The following CBX7 variants were observed in gnomAD, a reference collection of about 807,000 sequenced individuals.
The protein encoded by CBX7 is chromobox 7, also known as chromobox protein homolog 7.
A neutral mutation model predicts 31.4 loss-of-function variants in CBX7; 14 were observed. That is an observed-to-expected ratio of 0.45 (90% CI 0.29 to 0.70). The LOEUF is 0.70. Among genes scored for constraint, CBX7 ranks in the 30% least tolerant of loss-of-function variants. The pLI is 0.11. For missense variants in CBX7, 269 were observed against 351.9 expected (o/e 0.76, Z 1.89); for synonymous variants, 159 against 152.6 (o/e 1.04, Z -0.31).
At position 39,152,538 on chromosome 22, in the gene CBX7, GT is replaced by G. The variant is rs1399968438; in HGVS notation, c.-95del. The G allele has an allele frequency of 2.0e-6, 1 of 492,830 alleles. No individual in the cohort carries two copies. The highest frequency in any genetic ancestry group is 2.6e-6 in the Non-Finnish European group (1 of 380,900). The allele number at this position is 492,830 out of a possible 1,614,324, so 30.5% of individuals were successfully genotyped here. A position where few individuals can be genotyped will look rare whatever the true frequency, so the allele number is the denominator to read the frequency against. On this transcript the variant is annotated 5_prime_UTR_variant, in exon 1 of 6. Transcript: ENST00000216133. This position sits in a 1 kb window ranked among gnomAD's most constrained non-coding sequence, Gnocchi z 4.9. The stretch of plus-strand genomic sequence containing the variant: ...GGCGCGCGATGCTGGGGCTGGCGGG[GT>G]CCCCGTCACCCTCGTCCGGGCGCGC...
At chr22:39,134,887 C>G (rs13053361) in intron 4 of CBX7, 135 bp from the exon 5 acceptor site, 1 of 647,390 alleles carries the variant, frequency 1.5e-6, no homozygotes, top group Non-Finnish European at 2.6e-6. Flanking sequence ...CATGCCACGG[C>G]TGGCCATCAC....
At chr22:39,137,460 T>C (rs1024122370) in intron 4 of CBX7, among the ~76,000 whole-genome samples, 1 of 152,110 alleles carries the variant, frequency 6.6e-6, no homozygotes, top group African/African-American at 2.4e-5. Flanking sequence ...GTGACTGTCC[T>C]GTCTCAGCCC....
Position 39,152,519 on chromosome 22 carries a change from C to T in CBX7, c.-75G>A, listed in dbSNP as rs561943857. 2.6e-4 allele frequency: 167 copies of T among 653,404 alleles called. No homozygotes were observed. The highest frequency in any genetic ancestry group is 2.3e-3 in the Middle Eastern group (3 of 1,290). 40.5% of individuals were successfully genotyped at this position (653,404 alleles called of 1,614,324 possible). A position where few individuals can be genotyped will look rare whatever the true frequency, so the allele number is the denominator to read the frequency against. ...GCTGCGGGGCCGCGGCTGCGGCGCG[C>T]GATGCTGGGGCTGGCGGGGTCCCCG... On this transcript the variant is annotated 5_prime_UTR_variant, in exon 1 of 6. Coordinates refer to ENST00000216133, the MANE Select transcript of CBX7 (RefSeq NM_175709.5). The surrounding 1 kb of genome is among the most constrained non-coding windows in gnomAD (Gnocchi z 4.9).
chr22:39,152,610 G>C lies in CBX7; in HGVS notation c.-166C>G, dbSNP rs1229621742. 1.3e-5 allele frequency: 2 copies of C among 152,654 alleles called. No individual in the cohort carries two copies. The highest frequency in any genetic ancestry group is 4.9e-5 in the African/African-American group (2 of 41,086). The allele number at this position is 152,654 out of a possible 1,614,324, so 9.5% of individuals were successfully genotyped here. On this transcript the variant is annotated 5_prime_UTR_variant, in exon 1 of 6. Coordinates refer to ENST00000216133, the MANE Select transcript of CBX7 (RefSeq NM_175709.5). The surrounding 1 kb of genome is among the most constrained non-coding windows in gnomAD (Gnocchi z 4.9). The stretch of plus-strand genomic sequence containing the variant: ...ACACCCCCTCGCGCTCCCTCACGCC[G>C]CCGACGTTCCATTTTTGAACCTGCG...
chr22:39,145,900 G>A (rs1270448408), intron 2 of CBX7, among the ~76,000 whole-genome samples: 2 of 151,926 alleles, frequency 1.3e-5, no homozygotes, highest in Non-Finnish European at 2.9e-5. Context: ...GGGCGCAGCG[G>A]GTGCAGGACC....
At chr22:39,151,100 T>A (rs1213700800) in intron 1 of CBX7, among the ~76,000 whole-genome samples, 1 of 152,174 alleles carries the variant, frequency 6.6e-6, no homozygotes, top group Non-Finnish European at 1.5e-5. Flanking sequence ...GGAATGATGA[T>A]CTCGCCCTCT....
intron 2 of CBX7, among the ~76,000 whole-genome samples, chr22:39,143,476 G>A (rs1930532328): frequency 6.6e-6 from 1 of 152,094 alleles, no homozygotes; most frequent in African/African-American, 2.4e-5. Context: ...TATAAGCTCA[G>A]GTTAATTTAT....
chr22:39,138,775 C>T (rs555315977), intron 3 of CBX7, 73 bp from the exon 4 acceptor site: 12 of 1,373,452 alleles, frequency 8.7e-6, no homozygotes, highest in East Asian at 2.3e-5. Flanking sequence ...GCATCCGCTT[C>T]GCCCGCCCTC....
At chr22:39,148,041 G>A (rs981120982) in intron 2 of CBX7, 55 of 152,284 alleles carry the variant, frequency 3.6e-4, no homozygotes, top group African/African-American at 1.3e-3. Context: ...TCGAAGATGA[G>A]GAAGCAGAGA....
intron 4 of CBX7, among the ~76,000 whole-genome samples, chr22:39,137,173 C>T (rs542549319): frequency 2.6e-5 from 4 of 152,130 alleles, no homozygotes; most frequent in African/African-American, 4.8e-5. Context: ...GTGTTTCAGA[C>T]TTCGAATTTT....
rs2146360318 is a variant in CBX7 at position 39,141,200 on chromosome 22, G to A, written c.179+171C>T. 1.9e-5 allele frequency: 11 copies of A among 564,446 alleles called. No homozygotes were observed. The South Asian group carries it at 2.0e-4, about 10-fold the overall frequency. 35.0% of individuals were successfully genotyped at this position (564,446 alleles called of 1,614,324 possible). A position where few individuals can be genotyped will look rare whatever the true frequency, so the allele number is the denominator to read the frequency against. The stretch of plus-strand genomic sequence containing the variant: ...ACAGGAAAGGGCCCCAGGGTCCTCA[G>A]CTGCCCTGGGACTCAGTGCCCACCA... On this transcript the variant is annotated intron_variant, in intron 3 of 5. Transcript: ENST00000216133.
chr22:39,137,095 G>T (rs1160236546), intron 4 of CBX7, among the ~76,000 whole-genome samples: 1 of 152,092 alleles, frequency 6.6e-6, no homozygotes, highest in Non-Finnish European at 1.5e-5. Context: ...CCATTTTACA[G>T]GTGAAGAGGC....
intron 3 of CBX7, among the ~76,000 whole-genome samples, chr22:39,139,050 TA>T (rs751191576): frequency 1.3e-5 from 2 of 152,004 alleles, no homozygotes; most frequent in Non-Finnish European, 2.9e-5. Flanking sequence ...TTTTTCCTCC[TA>T]GGGGAGTGAT....
intron 4 of CBX7, chr22:39,135,132 A>C: frequency 1.1e-5 from 2 of 188,378 alleles, no homozygotes; most frequent in Non-Finnish European, 1.1e-5. Flanking sequence ...AGCACCTCCA[A>C]AACTGACACT....
rs944965833 is a variant in CBX7 at position 39,152,538 on chromosome 22, G to T, written c.-94C>A. The T allele has an allele frequency of 2.0e-6, 1 of 492,938 alleles. No homozygotes were observed. 30.5% of individuals were successfully genotyped at this position (492,938 alleles called of 1,614,324 possible). A position where few individuals can be genotyped will look rare whatever the true frequency, so the allele number is the denominator to read the frequency against. ...GGCGCGCGATGCTGGGGCTGGCGGGGTCCCCGTCACCCTCGTCCGGGCGCG... is the reference window on the plus strand; with the variant it reads ...GGCGCGCGATGCTGGGGCTGGCGGGTTCCCCGTCACCCTCGTCCGGGCGCG... On this transcript the variant is annotated 5_prime_UTR_variant, in exon 1 of 6. Transcript: ENST00000216133. This position sits in a 1 kb window ranked among gnomAD's most constrained non-coding sequence, Gnocchi z 4.9.
chr22:39,145,240 CTTAA>C (rs776195756), intron 2 of CBX7, among the ~76,000 whole-genome samples: 6 of 152,202 alleles, frequency 3.9e-5, no homozygotes, highest in African/African-American at 1.2e-4. Context: ...GCACCAGCAT[CTTAA>C]TTGTTTGGAC....
In CBX7 at chr22:39,149,753, G is replaced by GCAGA. The variant is rs569975189; in HGVS notation, c.113+32_113+35dup. ...GGTGGAGGAATGCATGGGTCGGTAG[G>GCAGA]CAGACAGACAGACACACACACATGA... On this transcript the variant is annotated intron_variant, in intron 2 of 5. Transcript: ENST00000216133. The GCAGA allele has an allele frequency of 1.7e-3, 2,717 of 1,604,486 alleles. 42 individuals carry two copies. The African/African-American group carries it at 0.032, about 19-fold the overall frequency.
intron 4 of CBX7, chr22:39,135,379 C>G (rs1171239496): frequency 6.6e-6 from 1 of 152,402 alleles, no homozygotes; most frequent in Non-Finnish European, 1.5e-5. Context: ...GAGGGCAAGT[C>G]TGTCCACCCC....
chr22:39,134,259 T>C, intron 5 of CBX7, 142 bp downstream of exon 5: 2 of 875,364 alleles, frequency 2.3e-6, no homozygotes, highest in East Asian at 2.7e-5. Context: ...GGAGGAGCCC[T>C]GGGCTAGTGT....
Sources: gnomAD v4.1 joint callset for allele counts (sites outside exome capture counted in the v4.1 genomes callset) on GRCh38, gnomAD v4.1.1 for gene constraint, Gnocchi (gnomAD v3.1) non-coding constraint, MANE v1.5 for transcripts, NCBI Gene and HGNC (gene_info 2026-07-23, HGNC 2026-07-21) for gene names.